Variants in SPEG observed in about 807,000 individuals in gnomAD.
SPEG encodes striated muscle preferentially expressed protein kinase.
Under a neutral mutation model 300.4 loss-of-function variants are expected in SPEG, and 114 were observed. The ratio of observed to expected loss-of-function variants is 0.38; its 90% CI spans 0.33 to 0.44. The LOEUF (loss-of-function observed/expected upper bound fraction) is 0.44, where lower values mean the gene tolerates loss of function less well. Among genes scored for constraint, SPEG ranks in the 20% least tolerant of loss-of-function variants. SPEG has a pLI of 1.00. For missense variants in SPEG, 4,201 were observed against 4,586.2 expected (o/e 0.92, Z 2.43); for synonymous variants, 1,964 against 2,018.9 (o/e 0.97, Z 0.73).
chr2:219,465,887 A>T, intron 9 of SPEG: 1 of 616,326 alleles, frequency 1.6e-6, no homozygotes, highest in Non-Finnish European at 2.9e-6. Context: ...GTGCGTGTGC[A>T]TGTGTGCGTA....
intron 18 of SPEG, among the ~76,000 whole-genome samples, chr2:219,474,789 A>C (rs1258028705): frequency 2.1e-5 from 3 of 140,200 alleles, no homozygotes; most frequent in African/African-American, 7.7e-5. Flanking sequence ...TGCAGCAGCA[A>C]GGATTCTTTT....
chr2:219,485,531 C>A lies in SPEG; in HGVS notation c.7741+54C>A, dbSNP rs547443095. On this transcript the variant is annotated intron_variant, in intron 31 of 40. Coordinates refer to ENST00000312358, the MANE Select transcript of SPEG (RefSeq NM_005876.5). Reference sequence around the variant, plus strand: ...CTCCTCCCCTCCTGCCCTCCCCTACCCCCATCAGGGAGCAGTCATGGCTGG... The same window carrying A: ...CTCCTCCCCTCCTGCCCTCCCCTACACCCATCAGGGAGCAGTCATGGCTGG... The A allele has an allele frequency of 2.0e-6, 3 of 1,489,434 alleles. No individual in the cohort carries two copies. The South Asian group carries it at 4.2e-5, about 21-fold the overall frequency. 92.3% of individuals were successfully genotyped at this position (1,489,434 alleles called of 1,614,324 possible). A position where few individuals can be genotyped will look rare whatever the true frequency, so the allele number is the denominator to read the frequency against.
In SPEG at chr2:219,489,392, G is replaced by A; in HGVS notation, c.8374G>A (p.Ala2792Thr). The A allele has an allele frequency of 6.2e-7, 1 of 1,612,646 alleles. No homozygotes were observed. The highest frequency in any genetic ancestry group is 1.1e-5 in the South Asian group (1 of 90,990). Reference sequence around the variant, plus strand: ...AGAGGCCCCTGTCACCTCAAGGCCAGCCAGGGCCCGGCCTCCTGACTCTCC... The same window carrying A: ...AGAGGCCCCTGTCACCTCAAGGCCAACCAGGGCCCGGCCTCCTGACTCTCC... The part of the protein sequence containing the change: ...HQEAPVTSRP[A>T]RARPPDSPTS... The change falls in exon 36 of 41, where the codon GCC becomes ACC. Residue 2792 changes from alanine to threonine, a missense_variant. Coordinates refer to ENST00000312358, the MANE Select transcript of SPEG (RefSeq NM_005876.5).
Position 219,479,698 on chromosome 2 carries a change from G to A in SPEG, c.5086-85G>A. 7.9e-7 allele frequency: 1 copy of A among 1,265,642 alleles called. No individual in the cohort carries two copies. The highest frequency in any genetic ancestry group is 1.2e-6 in the Non-Finnish European group (1 of 869,478). 78.4% of individuals were successfully genotyped at this position (1,265,642 alleles called of 1,614,324 possible). On this transcript the variant is annotated intron_variant, in intron 23 of 40. Coordinates refer to ENST00000312358, the MANE Select transcript of SPEG (RefSeq NM_005876.5). The surrounding 1 kb of genome is among the most constrained non-coding windows in gnomAD (Gnocchi z 5.5). ...GAGCCATCTGAAGGCTACTCCACAG[G>A]CACAGCCGGACCGCTTGCCGCCCTG... is the stretch of plus-strand genomic sequence containing the variant.
intron 18 of SPEG, 152 bp from the exon 19 acceptor site, chr2:219,476,718 T>TG (rs1209124018): frequency 0.013 from 5,564 of 430,018 alleles, 42 homozygotes; most frequent in African/African-American, 0.037. Flanking sequence ...TCCCAGTTGG[T>TG]GGGGGTGGGG....
chr2:219,447,729 G>A (rs1227222446), intron 3 of SPEG, among the ~76,000 whole-genome samples: 1 of 151,944 alleles, frequency 6.6e-6, no homozygotes. Context: ...CCGAGTCCTG[G>A]GGCTGAGTCT....
At position 219,435,230 on chromosome 2, in the gene SPEG, G is replaced by T. The variant is rs986041201; in HGVS notation, c.253G>T (p.Ala85Ser). ...RWFRDGQLLP[A>S]PAPEPSCLWL... ...GTTCCGGGATGGGCAGCTCCTGCCC[G>T]CGCCGGCCCCCGAGCCCAGCTGCCT... is the stretch of plus-strand genomic sequence containing the variant. Residue 85 changes from alanine to serine, a missense_variant, in exon 1 of 41, where the codon GCG becomes TCG. Around this residue, in one of 4 missense-constraint regions of SPEG, gnomAD observed 1,258 missense variants for 1,293.9 expected, o/e 0.97. Coordinates refer to ENST00000312358, the MANE Select transcript of SPEG (RefSeq NM_005876.5). The T allele has an allele frequency of 6.8e-7, 1 of 1,476,800 alleles. No homozygotes were observed. The highest frequency in any genetic ancestry group is 2.8e-5 in the East Asian group (1 of 35,140). 91.5% of individuals were successfully genotyped at this position (1,476,800 alleles called of 1,614,324 possible).
chr2:219,466,679 C>A lies in SPEG; in HGVS notation c.2882-495C>A, dbSNP rs1400851219. On this transcript the variant is annotated intron_variant, in intron 9 of 40. Transcript: ENST00000312358. ...GATGAACAGCCTGGCTGAGCCCTGG[C>A]CCTGGCAGGTTTAGGGCCCATTTGG... 1.1e-5 allele frequency: 11 copies of A among 1,000,592 alleles called. No homozygotes were observed. In the East Asian group the frequency reaches 7.6e-4, roughly 69 times the overall value. 62.0% of individuals were successfully genotyped at this position (1,000,592 alleles called of 1,614,324 possible).
intron 9 of SPEG, 107 bp from the exon 10 acceptor site, chr2:219,467,067 A>ATC (rs538036050): frequency 3.7e-6 from 5 of 1,351,324 alleles, no homozygotes; most frequent in South Asian, 2.9e-5. Flanking sequence ...AACAAAATGC[A>ATC]TCTCTCTCTC....
chr2:219,441,266 G>A (rs1688899277), intron 1 of SPEG, among the ~76,000 whole-genome samples: 2 of 152,180 alleles, frequency 1.3e-5, no homozygotes, highest in South Asian at 4.1e-4. Flanking sequence ...CCAACTTTGT[G>A]AATAATGGGG....
intron 8 of SPEG, among the ~76,000 whole-genome samples, chr2:219,463,625 C>T (rs1321527072): frequency 4.6e-5 from 7 of 151,054 alleles, no homozygotes; most frequent in African/African-American, 1.2e-4. Context: ...AGGCTGGTCT[C>T]GAACTCCTGA....
At position 219,445,534 on chromosome 2, in the gene SPEG, T is replaced by G; in HGVS notation, c.815+373T>G. On this transcript the variant is annotated intron_variant, in intron 3 of 40. Coordinates refer to ENST00000312358, the MANE Select transcript of SPEG (RefSeq NM_005876.5). This position sits in a 1 kb window ranked among gnomAD's most constrained non-coding sequence, Gnocchi z 6.1. The stretch of plus-strand genomic sequence containing the variant: ...CCGGGGGCCCCCTTGGTGCCTGCTG[T>G]CTCAGCAGCTGCTGCCTTTTCATCT... The G allele has an allele frequency of 3.0e-6, 1 of 332,774 alleles. No homozygotes were observed. Among genetic ancestry groups the G allele is most frequent in the South Asian group, 3.3e-5 (1 of 30,076 alleles). The allele number at this position is 332,774 out of a possible 1,614,324, so 20.6% of individuals were successfully genotyped here.
At position 219,435,318 on chromosome 2, in the gene SPEG, G is replaced by C. The variant is rs751671030; in HGVS notation, c.341G>C (p.Arg114Pro). ...GVYSCMAQNE[R>P]GRASCEAVLT... Reference sequence around the variant, plus strand: ...TACAGCTGCATGGCCCAGAACGAGCGGGGCCGGGCCTCCTGCGAGGCGGTG... The same window carrying C: ...TACAGCTGCATGGCCCAGAACGAGCCGGGCCGGGCCTCCTGCGAGGCGGTG... Residue 114 changes from arginine to proline, a missense_variant, in exon 1 of 41, where the codon CGG (arginine) becomes CCG (proline). Transcript: ENST00000312358. 44 of 1,535,946 alleles carry C rather than the reference G, an allele frequency of 2.9e-5. No individual in the cohort carries two copies. The highest frequency in any genetic ancestry group is 3.7e-5 in the Non-Finnish European group (42 of 1,148,530).
chr2:219,482,668 G>A, intron 28 of SPEG, 116 bp from the exon 29 acceptor site: 1 of 849,512 alleles, frequency 1.2e-6, no homozygotes, highest in East Asian at 2.7e-5. Flanking sequence ...CAGACTCAGT[G>A]CTGCTCGATC....
In SPEG at chr2:219,473,008, C is replaced by T; in HGVS notation, c.4059C>T (p.Val1353=). 1.2e-6 allele frequency: 2 copies of T among 1,614,014 alleles called. No individual in the cohort carries two copies. The highest frequency in any genetic ancestry group is 8.5e-7 in the Non-Finnish European group (1 of 1,180,024). The part of the protein sequence containing the change: ...GWAATGLRKG[V]QHIFRVLSTT... ...CAGCCACAGGGCTGCGTAAGGGGGT[C>T]CAGCACATCTTCCGGGTCCTCAGCA... Residue 1353 remains valine (V), a synonymous_variant, in exon 16 of 41, where the codon GTC becomes GTT. Coordinates refer to ENST00000312358, the MANE Select transcript of SPEG (RefSeq NM_005876.5). The surrounding 1 kb of genome is among the most constrained non-coding windows in gnomAD (Gnocchi z 4.6).
chr2:219,454,598 G>A (rs1048646238), intron 6 of SPEG, among the ~76,000 whole-genome samples: 4 of 152,180 alleles, frequency 2.6e-5, no homozygotes, highest in Admixed American at 2.0e-4. Context: ...TTGGAGGGAC[G>A]TGTGGCAGGT....
rs957236516 is a variant in SPEG at position 219,473,896 on chromosome 2, G to A, written c.4440G>A (p.Glu1480=). ...CACAGACCTGCTCGGTCACATTGGAGCTGGCAGGTGGGTGACAGCGGGCCT... is the reference window on the plus strand; with the variant it reads ...CACAGACCTGCTCGGTCACATTGGAACTGGCAGGTGGGTGACAGCGGGCCT... The part of the protein sequence containing the change: ...HGTQTCSVTL[E]LAEAPRFESI... Residue 1480 remains glutamate (E), a synonymous_variant, in exon 18 of 41, where the codon GAG becomes GAA. Coordinates refer to ENST00000312358, the MANE Select transcript of SPEG (RefSeq NM_005876.5). This position sits in a 1 kb window ranked among gnomAD's most constrained non-coding sequence, Gnocchi z 4.6. 1.9e-6 allele frequency: 3 copies of A among 1,606,370 alleles called. No individual in the cohort carries two copies. Among genetic ancestry groups the A allele is most frequent in the African/African-American group, 1.3e-5 (1 of 74,830 alleles).
rs1486775264 is a variant in SPEG, at chr2:219,443,860, G to A, written c.389-793G>A. 29 of 470,526 alleles carry A rather than the reference G, an allele frequency of 6.2e-5. No individual in the cohort carries two copies. Among genetic ancestry groups the A allele is most frequent in the Admixed American group, 1.5e-4 (6 of 40,026 alleles). The allele number at this position is 470,526 out of a possible 1,614,324, so 29.1% of individuals were successfully genotyped here. On this transcript the variant is annotated intron_variant, in intron 1 of 40. Coordinates refer to ENST00000312358, the MANE Select transcript of SPEG (RefSeq NM_005876.5). This position sits in a 1 kb window ranked among gnomAD's most constrained non-coding sequence, Gnocchi z 4.6. ...ACAAGCCCAAGTATGGGGGTCCCCA[G>A]TGCTGGGCACATCCCAGGTATCTCC...
rs1559381625 is a variant in SPEG at position 219,459,982 on chromosome 2, A to G, written c.2441-1900A>G. ...GAGAAGGACATGTGACCCCTGCTCA[A>G]CAGCCCCCTTCTCTCAGGTTCTGTG... On this transcript the variant is annotated intron_variant, in intron 6 of 40. Transcript: ENST00000312358. This position sits in a 1 kb window ranked among gnomAD's most constrained non-coding sequence, Gnocchi z 4.9. 6.6e-6 allele frequency among the ~76,000 whole-genome samples: 1 copy of G among 152,196 alleles called. No homozygotes were observed. The highest frequency in any genetic ancestry group is 1.5e-5 in the Non-Finnish European group (1 of 68,020).
Sources: gnomAD v4.1 joint callset for allele counts (sites outside exome capture counted in the v4.1 genomes callset) on GRCh38, gnomAD v4.1.1 for gene constraint, gnomAD v4.1.1 regional missense constraint, Gnocchi (gnomAD v3.1) non-coding constraint, MANE v1.5 for transcripts, NCBI Gene and HGNC (gene_info 2026-07-23, HGNC 2026-07-21) for gene names.